SLF1: variants seen among roughly 807,000 people sequenced by gnomAD.
SLF1 encodes SMC5-SMC6 complex localization factor protein 1.
Under a neutral mutation model 123.0 loss-of-function variants are expected in SLF1, and 105 were observed. The ratio of observed to expected loss-of-function variants is 0.85; its 90% CI spans 0.73 to 1.00. The LOEUF (loss-of-function observed/expected upper bound fraction) is 1.00, where lower values mean the gene tolerates loss of function less well. Among genes scored for constraint, SLF1 ranks in the 50% least tolerant of loss-of-function variants. The probability of loss-of-function intolerance (pLI) is 0.00; values close to 1 mark genes in which losing one functional copy is unlikely to be tolerated. For missense variants in SLF1, 1,239 were observed against 1,223.0 expected (o/e 1.01, Z -0.20); for synonymous variants, 434 against 406.6 (o/e 1.07, Z -0.81).
chr5:94,691,980 A>C, intron 19 of SLF1, 94 bp from the exon 20 acceptor site: 1 of 1,213,416 alleles, frequency 8.2e-7, no homozygotes, highest in South Asian at 1.6e-5. Flanking sequence ...AAGCACCTAG[A>C]AAGTCACACT....
chr5:94,627,230 T>G (rs1744545434), intron 1 of SLF1, among the ~76,000 whole-genome samples: 1 of 152,212 alleles, frequency 6.6e-6, no homozygotes, highest in South Asian at 2.1e-4. Context: ...ACTGTTGTTA[T>G]TCTAGCTATG....
intron 9 of SLF1, among the ~76,000 whole-genome samples, chr5:94,660,177 C>T (rs1025575896): frequency 6.6e-6 from 1 of 152,086 alleles, no homozygotes; most frequent in African/African-American, 2.4e-5. Flanking sequence ...ATTTGGGCAC[C>T]TGGTTGGTGA....
intron 1 of SLF1, among the ~76,000 whole-genome samples, chr5:94,622,883 T>C (rs1791919359): frequency 6.6e-6 from 1 of 152,112 alleles, no homozygotes; most frequent in Non-Finnish European, 1.5e-5. Context: ...TTTATCCTTA[T>C]TTTCCTTACA....
intron 9 of SLF1, among the ~76,000 whole-genome samples, chr5:94,661,147 T>C (rs1749051778): frequency 6.6e-6 from 1 of 152,170 alleles, no homozygotes; most frequent in Non-Finnish European, 1.5e-5. Context: ...GTGTACTCTT[T>C]CTTTGGAATA....
chr5:94,633,106 G>A (rs573517017), intron 4 of SLF1, among the ~76,000 whole-genome samples: 1 of 152,180 alleles, frequency 6.6e-6, no homozygotes, highest in African/African-American at 2.4e-5. Context: ...TTCTGCCTCA[G>A]CCTCCCGAGT....
intron 14 of SLF1, among the ~76,000 whole-genome samples, chr5:94,673,744 G>C (rs1750735744): frequency 6.9e-6 from 1 of 144,760 alleles, no homozygotes. Context: ...GCCTTCATTA[G>C]AAATAGAAGT....
chr5:94,673,121 A>G (rs1251756912), intron 14 of SLF1, among the ~76,000 whole-genome samples: 1 of 151,316 alleles, frequency 6.6e-6, no homozygotes, highest in African/African-American at 2.4e-5. Context: ...TTTTCATCCT[A>G]TGAGCAATTA....
intron 14 of SLF1, among the ~76,000 whole-genome samples, chr5:94,672,393 A>T (rs1388692246): frequency 6.6e-6 from 1 of 151,832 alleles, no homozygotes; most frequent in Non-Finnish European, 1.5e-5. Context: ...CTTACGTTAT[A>T]CCTTTTCTTC....
intron 4 of SLF1, among the ~76,000 whole-genome samples, chr5:94,634,966 T>C (rs1324754402): frequency 6.6e-6 from 1 of 152,178 alleles, no homozygotes; most frequent in Non-Finnish European, 1.5e-5. Flanking sequence ...GGCTTGAAAA[T>C]ATTATCTCCT....
In SLF1 at chr5:94,643,378, A is replaced by G. The variant is rs1207328690; in HGVS notation, c.537A>G (p.Lys179=). ...SNARIKAEKE[K]DNFKAPFYPI... ...CAAGAATTAAAGCTGAGAAAGAAAAAGATAACTTTAAGGCTCCATTTTATC... is the reference window on the plus strand; with the variant it reads ...CAAGAATTAAAGCTGAGAAAGAAAAGGATAACTTTAAGGCTCCATTTTATC... Residue 179 remains lysine (K), a synonymous_variant, in exon 5 of 21, where the codon AAA becomes AAG. Coordinates refer to ENST00000265140, the MANE Select transcript of SLF1 (RefSeq NM_032290.4). 1 of 1,543,340 alleles carries G rather than the reference A, an allele frequency of 6.5e-7. No homozygotes were observed.
intron 15 of SLF1, among the ~76,000 whole-genome samples, chr5:94,680,032 AT>A (rs1215224701): frequency 1.3e-5 from 2 of 152,168 alleles, no homozygotes; most frequent in Admixed American, 1.3e-4. Context: ...ATAAAAGATT[AT>A]TTTTATATAC....
intron 17 of SLF1, among the ~76,000 whole-genome samples, chr5:94,689,036 A>T (rs1585240237): frequency 6.6e-6 from 1 of 151,822 alleles, no homozygotes; most frequent in Admixed American, 6.6e-5. Context: ...AAAATGAGAA[A>T]CCTCTAAAAG....
At chr5:94,688,695 T>C in intron 17 of SLF1, 26 bp downstream of exon 17, 1 of 1,611,786 alleles carries the variant, frequency 6.2e-7, no homozygotes, top group Non-Finnish European at 8.5e-7. Flanking sequence ...ATCCCAGCTG[T>C]GCTTTGTTTT....
chr5:94,693,548 C>T (rs1753260508), intron 20 of SLF1, among the ~76,000 whole-genome samples: 1 of 151,976 alleles, frequency 6.6e-6, no homozygotes, highest in South Asian at 2.1e-4. Flanking sequence ...TTGTTTTTAT[C>T]AAGGTCCTTT....
At position 94,653,328 on chromosome 5, in the gene SLF1, A is replaced by G. The variant is rs1747973926; in HGVS notation, c.939A>G (p.Lys313=). Residue 313 remains lysine (K), a synonymous_variant, in exon 8 of 21, where the codon AAA becomes AAG. Coordinates refer to ENST00000265140, the MANE Select transcript of SLF1 (RefSeq NM_032290.4). ...AGAGGAGTTATACTTTGAGGAGAAA[A>G]CGCAAGAAAGGAAAAGAAAGCAATT... ...DIQRSYTLRR[K]RKKGKESNCK... is the part of the protein sequence containing the mutation. 1.3e-6 allele frequency: 2 copies of G among 1,527,346 alleles called. No homozygotes were observed. The highest frequency in any genetic ancestry group is 1.3e-5 in the South Asian group (1 of 79,090). 94.6% of individuals were successfully genotyped at this position (1,527,346 alleles called of 1,614,324 possible).
intron 1 of SLF1, among the ~76,000 whole-genome samples, chr5:94,619,870 TTTCC>T (rs1479564130): frequency 1.3e-5 from 2 of 152,112 alleles, no homozygotes; most frequent in African/African-American, 2.4e-5. Context: ...TTTTCTTACC[TTTCC>T]TTCCTTCCTT....
intron 7 of SLF1, among the ~76,000 whole-genome samples, chr5:94,652,396 T>G (rs1214208681): frequency 6.6e-6 from 1 of 152,194 alleles, no homozygotes; most frequent in African/African-American, 2.4e-5. Context: ...ATTTTCTTAT[T>G]TTTCATTATA....
intron 1 of SLF1, among the ~76,000 whole-genome samples, chr5:94,625,369 TA>T (rs1483825456): frequency 6.6e-6 from 1 of 151,910 alleles, no homozygotes; most frequent in East Asian, 1.9e-4. Context: ...ATTTTCTTTT[TA>T]TTTTTTAATT....
intron 1 of SLF1, 133 bp from the exon 2 acceptor site, chr5:94,628,678 C>A (rs1354041922): frequency 4.0e-6 from 2 of 497,388 alleles, no homozygotes; most frequent in Non-Finnish European, 6.9e-6. Flanking sequence ...GTTTTAACAG[C>A]TGTGCCTAAC....
Sources: allele counts gnomAD v4.1 joint callset (sites outside exome capture counted in the v4.1 genomes callset), GRCh38; gene constraint gnomAD v4.1.1; transcripts MANE v1.5; gene names NCBI Gene and HGNC (gene_info 2026-07-23, HGNC 2026-07-21).